ARSG: variants seen among roughly 807,000 people sequenced by gnomAD.
ARSG encodes the protein arylsulfatase G, also known as ASG.
ARSG carries 37 observed loss-of-function variants against 50.5 expected under a neutral mutation model. That is an observed-to-expected ratio of 0.73 (90% CI 0.56 to 0.96). The LOEUF (loss-of-function observed/expected upper bound fraction) is 0.96, where lower values mean the gene tolerates loss of function less well. Among genes scored for constraint, ARSG ranks in the 50% least tolerant of loss-of-function variants. The probability of loss-of-function intolerance (pLI) is 0.00; values close to 1 mark genes in which losing one functional copy is unlikely to be tolerated. For missense variants in ARSG, 629 were observed against 675.3 expected (o/e 0.93, Z 0.76); for synonymous variants, 225 against 254.6 (o/e 0.88, Z 1.11).
intron 2 of ARSG, among the ~76,000 whole-genome samples, chr17:68,329,446 G>A (rs1428656845): frequency 6.6e-6 from 1 of 152,206 alleles, no homozygotes; most frequent in Non-Finnish European, 1.5e-5. Context: ...TGTGCTGTAA[G>A]GGGACTGCTT....
At chr17:68,292,712 G>A (rs2076058465) in intron 1 of ARSG, among the ~76,000 whole-genome samples, 1 of 152,144 alleles carries the variant, frequency 6.6e-6, no homozygotes. Context: ...TGCTCGCTGA[G>A]TTCTCTCACC....
chr17:68,401,357 C>T lies in ARSG; in HGVS notation c.1213-3C>T. The T allele has an allele frequency of 1.9e-6, 3 of 1,613,724 alleles. No homozygotes were observed. In the South Asian group the frequency reaches 3.3e-5, roughly 18 times the overall value. ...ATTAGTAAGCTCTGCCACCCTTTCT[C>T]AGGTGCTGTTCCACCCCAACAGCGG... On this transcript the variant is annotated splice_polypyrimidine_tract_variant and splice_region_variant and intron_variant, in intron 10 of 11. Transcript: ENST00000621439.
At chr17:68,349,450 C>T (rs62088762) in intron 4 of ARSG, among the ~76,000 whole-genome samples, 44,726 of 152,064 alleles carry the variant, frequency 0.29, 8,199 homozygotes, top group Non-Finnish European at 0.4. Context: ...TGGCTCTTTC[C>T]GGCAGAAGTT....
At position 68,420,610 on chromosome 17, in the gene ARSG, T is replaced by A; in HGVS notation, c.*147T>A. 2.2e-6 allele frequency: 2 copies of A among 928,518 alleles called. No homozygotes were observed. The highest frequency in any genetic ancestry group is 2.5e-5 in the East Asian group (1 of 40,322). The allele number at this position is 928,518 out of a possible 1,614,324, so 57.5% of individuals were successfully genotyped here. A position where few individuals can be genotyped will look rare whatever the true frequency, so the allele number is the denominator to read the frequency against. On this transcript the variant is annotated 3_prime_UTR_variant, in exon 12 of 12. Transcript: ENST00000621439. ...GTTAGCCTTGCATATCCCTTCTGTA[T>A]CCTGTCCCTCCTCCACGCCGACCCG...
At chr17:68,307,787 A>G (rs2076666198) in intron 2 of ARSG, 76 bp downstream of exon 2, 3 of 788,910 alleles carry the variant, frequency 3.8e-6, no homozygotes, top group Non-Finnish European at 6.4e-6. Flanking sequence ...GGGCCGTGCA[A>G]AGCACTTAAA....
At chr17:68,385,042 G>A in intron 8 of ARSG, 22 bp from the exon 9 acceptor site, 1 of 1,602,304 alleles carries the variant, frequency 6.2e-7, no homozygotes, top group South Asian at 1.1e-5. Context: ...GGATGAACCA[G>A]CTGCCTCCCC....
At chr17:68,379,421 ATT>A (rs375841879) in intron 8 of ARSG, among the ~76,000 whole-genome samples, 128 of 72,260 alleles carry the variant, frequency 1.8e-3, no homozygotes, top group African/African-American at 7.6e-3. Flanking sequence ...GAACACTACA[ATT>A]TTTTTTTTTT....
upstream of ARSG, among the ~76,000 whole-genome samples, chr17:68,287,922 TTTCTC>T (rs1465772766): frequency 6.6e-6 from 1 of 151,806 alleles, no homozygotes; most frequent in African/African-American, 2.4e-5. Context: ...CCTTTTTTCT[TTTCTC>T]TTCTCTTCTT....
chr17:68,300,121 TG>T lies in ARSG; in HGVS notation c.-551-6821del, dbSNP rs569505173. Among the ~76,000 whole-genome samples the T allele has an allele frequency of 7.9e-5, 12 of 152,140 alleles. No homozygotes were observed. The South Asian group carries it at 2.5e-3, about 32-fold the overall frequency. On this transcript the variant is annotated intron_variant, in intron 1 of 11. Coordinates refer to ENST00000621439, the MANE Select transcript of ARSG (RefSeq NM_001267727.2). ...TATCCAGTTATTTTGTTGTTGTTGT[TG>T]TTGCAGAGAGATGGGGTCTCGCTTT...
intron 1 of ARSG, among the ~76,000 whole-genome samples, chr17:68,260,292 A>G (rs2075052409): frequency 6.6e-6 from 1 of 152,152 alleles, no homozygotes; most frequent in South Asian, 2.1e-4. Flanking sequence ...CGTTGTTTTC[A>G]CTGTGCTGCA....
intron 2 of ARSG, among the ~76,000 whole-genome samples, chr17:68,312,154 A>G (rs1175981438): frequency 6.6e-6 from 1 of 152,144 alleles, no homozygotes; most frequent in Non-Finnish European, 1.5e-5. Context: ...GCAGCCACAG[A>G]AAACTTACAC....
intron 2 of ARSG, among the ~76,000 whole-genome samples, chr17:68,325,686 C>T (rs1361344682): frequency 6.6e-6 from 1 of 152,108 alleles, no homozygotes; most frequent in Non-Finnish European, 1.5e-5. Context: ...TCCATTTTTT[C>T]CTCTGTGCTT....
chr17:68,404,043 C>CT (rs2081597741), intron 11 of ARSG, among the ~76,000 whole-genome samples: 1 of 152,042 alleles, frequency 6.6e-6, no homozygotes, highest in East Asian at 1.9e-4. Flanking sequence ...TGAACTCATC[C>CT]TTTTTTATGG....
chr17:68,414,357 C>G (rs1177296368), intron 11 of ARSG, among the ~76,000 whole-genome samples: 1 of 152,106 alleles, frequency 6.6e-6, no homozygotes, highest in Non-Finnish European at 1.5e-5. Flanking sequence ...GTTAAACTAT[C>G]CTTGCATCCC....
rs1376693518 is a variant in ARSG at position 68,378,382 on chromosome 17, T to C, written c.983-6682T>C. ...GGCCCCCAGGCCCCCCTGCTTGTCT[T>C]CCCTTTCCTTTCCTGGCCGAGCCGC... is the stretch of plus-strand genomic sequence containing the variant. On this transcript the variant is annotated intron_variant, in intron 8 of 11. Coordinates refer to ENST00000621439, the MANE Select transcript of ARSG (RefSeq NM_001267727.2). This position sits in a 1 kb window ranked among gnomAD's most constrained non-coding sequence, Gnocchi z 4.4. 2.0e-5 allele frequency among the ~76,000 whole-genome samples: 3 copies of C among 152,220 alleles called. No homozygotes were observed. Among genetic ancestry groups the C allele is most frequent in the Non-Finnish European group, 4.4e-5 (3 of 68,036 alleles).
At chr17:68,426,254 G>GGGGGGGGGGGGGCCCCC, downstream of ARSG, 1 of 816,924 alleles carries the variant, frequency 1.2e-6, no homozygotes, top group Admixed American at 2.3e-5. Context: ...GGGAGCGGGG[G>GGGGGGGGGGGGGCCCCC]CTCAAATAAA....
rs77922492 is a variant in ARSG, at chr17:68,302,411, C to A, written c.-551-4532C>A. Among the ~76,000 whole-genome samples the A allele has an allele frequency of 6.0e-4, 91 of 152,300 alleles. 7 individuals carry two copies. In the East Asian group the frequency reaches 0.018, roughly 29 times the overall value. On this transcript the variant is annotated intron_variant, in intron 1 of 11. Coordinates refer to ENST00000621439, the MANE Select transcript of ARSG (RefSeq NM_001267727.2). ...ACCTTCTTGTTATTTCAGCTGTTTT[C>A]AAGGTTCTCTAGGAGGATGCTTGGC... is the stretch of plus-strand genomic sequence containing the variant.
chr17:68,293,509 A>AATAATC (rs2076094256), intron 1 of ARSG, among the ~76,000 whole-genome samples: 1 of 151,886 alleles, frequency 6.6e-6, no homozygotes, highest in Non-Finnish European at 1.5e-5. Context: ...TAATAATAAT[A>AATAATC]ATAATAATAG....
At chr17:68,309,858 TAA>T (rs35580730) in intron 2 of ARSG, among the ~76,000 whole-genome samples, 2 of 150,048 alleles carry the variant, frequency 1.3e-5, no homozygotes, top group Admixed American at 6.6e-5. Context: ...AGACTCTGTC[TAA>T]AAAAAAATAA....
Sources: allele counts gnomAD v4.1 joint callset (sites outside exome capture counted in the v4.1 genomes callset), GRCh38; gene constraint gnomAD v4.1.1; non-coding constraint Gnocchi (gnomAD v3.1); transcripts MANE v1.5; gene names NCBI Gene and HGNC (gene_info 2026-07-23, HGNC 2026-07-21).